Variants in PDE4A observed in about 807,000 individuals in gnomAD.
The protein encoded by PDE4A is phosphodiesterase 4A.
Under a neutral mutation model 73.9 loss-of-function variants are expected in PDE4A, and 21 were observed. The ratio of observed to expected loss-of-function variants is 0.28; its 90% CI spans 0.20 to 0.41. PDE4A has a LOEUF of 0.41. Ranked by LOEUF, PDE4A falls within the 10% of genes least tolerant of loss-of-function variation. The pLI is 1.00. For missense variants in PDE4A, 958 were observed against 1,211.4 expected (o/e 0.79, Z 3.10); for synonymous variants, 463 against 505.4 (o/e 0.92, Z 1.13).
At chr19:10,419,204 C>G, upstream of PDE4A, 1 of 195,856 alleles carries the variant, frequency 5.1e-6, no homozygotes, top group Non-Finnish European at 7.8e-6. Context: ...AGAGCAGTTT[C>G]GCGTTCGAGC....
At position 10,467,772 on chromosome 19, in the gene PDE4A, T is replaced by C; in HGVS notation, c.*151T>C. 1.8e-6 allele frequency: 1 copy of C among 566,302 alleles called. No individual in the cohort carries two copies. The highest frequency in any genetic ancestry group is 2.8e-6 in the Non-Finnish European group (1 of 357,374). 35.1% of individuals were successfully genotyped at this position (566,302 alleles called of 1,614,324 possible). On this transcript the variant is annotated 3_prime_UTR_variant, in exon 15 of 15. Transcript: ENST00000380702. ...GTGGGGTTTTTTTCTGTTTTCTTTT[T>C]TTCCCCTTTCCCCCTGCCCCCACCC...
intron 1 of PDE4A, among the ~76,000 whole-genome samples, chr19:10,443,825 G>C (rs1425029523): frequency 6.6e-6 from 1 of 151,686 alleles, no homozygotes; most frequent in Admixed American, 6.6e-5. Context: ...TGGCCAACAT[G>C]GTAAAATCCC....
chr19:10,451,083 A>AGCTAT, intron 6 of PDE4A, 142 bp downstream of exon 6: 1 of 834,434 alleles, frequency 1.2e-6, no homozygotes, highest in Non-Finnish European at 1.9e-6. Flanking sequence ...GGAGATAGCT[A>AGCTAT]CTGGGTGTGG....
At chr19:10,417,402 G>A, upstream of PDE4A, 1 of 985,302 alleles carries the variant, frequency 1.0e-6, no homozygotes, top group Non-Finnish European at 1.2e-6. Flanking sequence ...GAGACAGAAT[G>A]TCTAGATGTG....
intron 1 of PDE4A, among the ~76,000 whole-genome samples, chr19:10,435,597 A>C (rs1054743301): frequency 9.3e-5 from 14 of 150,028 alleles, no homozygotes; most frequent in Admixed American, 2.0e-4. Flanking sequence ...CACACAAACA[A>C]ACAAACAAAA....
At chr19:10,452,633 T>C (rs1443173475) in intron 6 of PDE4A, among the ~76,000 whole-genome samples, 2 of 151,812 alleles carry the variant, frequency 1.3e-5, no homozygotes, top group African/African-American at 4.8e-5. Flanking sequence ...TGTGTGTGTG[T>C]GCTGTAAGTG....
At chr19:10,437,800 C>A (rs1308785517) in intron 1 of PDE4A, among the ~76,000 whole-genome samples, 1 of 143,646 alleles carries the variant, frequency 7.0e-6, no homozygotes, top group Admixed American at 7.1e-5. Context: ...CATCCATCTC[C>A]AGGACTGTTT....
In PDE4A at chr19:10,462,942, TC is replaced by T. The variant is rs2043298406; in HGVS notation, c.1744-850del. Among the ~76,000 whole-genome samples the T allele has an allele frequency of 2.0e-5, 3 of 152,250 alleles. No individual in the cohort carries two copies. The South Asian group carries it at 6.2e-4, about 32-fold the overall frequency. Reference sequence around the variant, plus strand: ...GGTGTGGTGGCTCACGCCTATAATCTCAACTACTCCAGAGGCTGAGGCAGGA... The same window carrying T: ...GGTGTGGTGGCTCACGCCTATAATCTAACTACTCCAGAGGCTGAGGCAGGA... On this transcript the variant is annotated intron_variant, in intron 13 of 14. Coordinates refer to ENST00000380702, the MANE Select transcript of PDE4A (RefSeq NM_001111307.2).
rs200744283 is a variant in PDE4A, at chr19:10,467,209, T to C, written c.2249T>C (p.Ile750Thr). 98 of 1,613,970 alleles carry C rather than the reference T, an allele frequency of 6.1e-5. No homozygotes were observed. The highest frequency in any genetic ancestry group is 7.6e-5 in the Non-Finnish European group (90 of 1,180,012). ...GTCGAGGAAGCTCTGGATGCAACCA[T>C]AGCCTGGGAGGCATCCCCGGCCCAG... is the stretch of plus-strand genomic sequence containing the variant. ...SGVEEALDAT[I>T]AWEASPAQES... is the part of the protein sequence containing the mutation. The change falls in exon 15 of 15, where the codon ATA becomes ACA. Residue 750 changes from isoleucine (I) to threonine (T), a missense_variant. Ile to Thr is a moderately conservative substitution (Grantham distance 89, BLOSUM62 -1). Coordinates refer to ENST00000380702, the MANE Select transcript of PDE4A (RefSeq NM_001111307.2).
chr19:10,423,865 A>AT (rs1426759984), intron 1 of PDE4A, among the ~76,000 whole-genome samples: 3 of 152,212 alleles, frequency 2.0e-5, no homozygotes, highest in Non-Finnish European at 4.4e-5. Flanking sequence ...GCTGGGACTG[A>AT]TGGGTGGGCT....
In PDE4A at chr19:10,453,017, C is replaced by T. The variant is rs2043116344; in HGVS notation, c.784-1812C>T. On this transcript the variant is annotated intron_variant, in intron 6 of 14. Coordinates refer to ENST00000380702, the MANE Select transcript of PDE4A (RefSeq NM_001111307.2). The surrounding 1 kb of genome is among the most constrained non-coding windows in gnomAD (Gnocchi z 4.6). ...CCTCCCATGGGCACGGACCCCCCACCGCCTCCACCCACTGCCGCGGGGGGG... is the reference window on the plus strand; with the variant it reads ...CCTCCCATGGGCACGGACCCCCCACTGCCTCCACCCACTGCCGCGGGGGGG... 19 of 1,317,702 alleles carry T rather than the reference C, an allele frequency of 1.4e-5. No individual in the cohort carries two copies. The highest frequency in any genetic ancestry group is 1.9e-5 in the South Asian group (1 of 53,176). The allele number at this position is 1,317,702 out of a possible 1,614,324, so 81.6% of individuals were successfully genotyped here.
intron 6 of PDE4A, 111 bp downstream of exon 6, chr19:10,451,052 C>A: frequency 9.5e-7 from 1 of 1,054,510 alleles, no homozygotes; most frequent in Non-Finnish European, 1.4e-6. Flanking sequence ...TGGAGCCAGC[C>A]ATTAGGTTGT....
At chr19:10,444,647 C>T (rs1015280725) in intron 1 of PDE4A, among the ~76,000 whole-genome samples, 1 of 151,414 alleles carries the variant, frequency 6.6e-6, no homozygotes, top group Non-Finnish European at 1.5e-5. Flanking sequence ...GTGCAAAGGC[C>T]CTGAGGCAGG....
chr19:10,463,748 C>A (rs76884064), intron 13 of PDE4A, 45 bp from the exon 14 acceptor site: 2 of 1,602,678 alleles, frequency 1.2e-6, no homozygotes, highest in East Asian at 2.2e-5. Flanking sequence ...GACTGGGACA[C>A]AGGCATAGCC....
chr19:10,435,561 A>AACACAC lies in PDE4A; in HGVS notation c.321-10631_321-10626dup, dbSNP rs35022243. Among the ~76,000 whole-genome samples the AACACAC allele has an allele frequency of 7.5e-3, 1,097 of 145,432 alleles. 15 individuals are homozygous for AACACAC. The highest frequency in any genetic ancestry group is 0.024 in the African/African-American group (938 of 39,306). ...GGGTGACAGAGCAAGACCCTGTATC[A>AACACAC]ACACACACACACACACACACACACA... On this transcript the variant is annotated intron_variant, in intron 1 of 14. Coordinates refer to ENST00000380702, the MANE Select transcript of PDE4A (RefSeq NM_001111307.2).
chr19:10,443,362 T>C (rs2042962857), intron 1 of PDE4A, among the ~76,000 whole-genome samples: 1 of 151,676 alleles, frequency 6.6e-6, no homozygotes, highest in African/African-American at 2.4e-5. Flanking sequence ...CTGGACAACA[T>C]GGCGAGACCC....
intron 1 of PDE4A, among the ~76,000 whole-genome samples, chr19:10,442,946 T>C (rs79350548): frequency 6.6e-6 from 1 of 151,642 alleles, no homozygotes; most frequent in African/African-American, 2.4e-5. Flanking sequence ...ATATTGCATA[T>C]GCATGTGTAT....
chr19:10,431,097 C>T, intron 1 of PDE4A: 1 of 1,495,346 alleles, frequency 6.7e-7, no homozygotes, highest in Non-Finnish European at 8.9e-7. Context: ...GTAAGTGCAG[C>T]GCTGGTGGCC....
rs772589172 is a variant in PDE4A at position 10,463,920 on chromosome 19, G to A, written c.1871G>A (p.Gly624Asp). ...FQQGDRERER[G>D]MEISPMCDKH... The stretch of plus-strand genomic sequence containing the variant: ...CAGGGTGACCGAGAGCGCGAGCGTG[G>A]CATGGAAATCAGCCCCATGTGTGAC... Residue 624 changes from glycine to aspartate, a missense_variant, in exon 14 of 15, where the codon GGC becomes GAC. Gly to Asp is a moderately conservative substitution (Grantham distance 94). This residue lies in a region of PDE4A where 570 missense variants were observed against 827.7 expected (regional missense o/e 0.69). Transcript: ENST00000380702. 1 of 1,614,094 alleles carries A rather than the reference G, an allele frequency of 6.2e-7. No individual in the cohort carries two copies. The highest frequency in any genetic ancestry group is 8.5e-7 in the Non-Finnish European group (1 of 1,180,004).
Sources: gnomAD v4.1 joint callset for allele counts (sites outside exome capture counted in the v4.1 genomes callset) on GRCh38, gnomAD v4.1.1 for gene constraint, gnomAD v4.1.1 regional missense constraint, Gnocchi (gnomAD v3.1) non-coding constraint, MANE v1.5 for transcripts, NCBI Gene and HGNC (gene_info 2026-07-23, HGNC 2026-07-21) for gene names.